FIGN: variants seen among roughly 807,000 people sequenced by gnomAD.
The protein encoded by FIGN is fidgetin, microtubule severing factor, also known as fidgetin.
Under a neutral mutation model 51.3 loss-of-function variants are expected in FIGN, and 11 were observed. That is an observed-to-expected ratio of 0.21 (90% CI 0.13 to 0.35). FIGN has a LOEUF of 0.35. FIGN is among the 10% of genes least tolerant of loss of function. The probability of loss-of-function intolerance (pLI) is 1.00; values close to 1 mark genes in which losing one functional copy is unlikely to be tolerated. For missense variants in FIGN, 857 were observed against 943.6 expected (o/e 0.91, Z 1.20); for synonymous variants, 407 against 363.2 (o/e 1.12, Z -1.37).
intron 2 of FIGN, among the ~76,000 whole-genome samples, chr2:163,627,223 T>C (rs753178487): frequency 1.3e-5 from 2 of 152,150 alleles, no homozygotes; most frequent in Non-Finnish European, 2.9e-5. Context: ...CCAAGAACCC[T>C]ATCTTGGGGT....
intron 2 of FIGN, among the ~76,000 whole-genome samples, chr2:163,661,915 A>G (rs1194089493): frequency 6.6e-6 from 1 of 152,204 alleles, no homozygotes; most frequent in Middle Eastern, 3.4e-3. Flanking sequence ...CCCAGTCTTG[A>G]GTATGTCTTT....
At chr2:163,661,368 C>A (rs182166686) in intron 2 of FIGN, among the ~76,000 whole-genome samples, 1 of 151,762 alleles carries the variant, frequency 6.6e-6, no homozygotes, top group East Asian at 2.0e-4. Flanking sequence ...GCCTCCCCAG[C>A]AGCTGGAACT....
intron 2 of FIGN, among the ~76,000 whole-genome samples, chr2:163,708,054 C>A (rs1012522327): frequency 6.6e-6 from 1 of 152,070 alleles, no homozygotes; most frequent in African/African-American, 2.4e-5. Context: ...ATAATTTCAT[C>A]ATTGGGAATT....
chr2:163,735,171 G>T, intron 1 of FIGN, 99 bp from the exon 2 acceptor site: 3 of 504,950 alleles, frequency 5.9e-6, no homozygotes, highest in Non-Finnish European at 1.1e-5. Flanking sequence ...GACCAGGAAT[G>T]CAAGTCCATG....
At chr2:163,715,904 G>A (rs1684660068) in intron 2 of FIGN, among the ~76,000 whole-genome samples, 1 of 152,144 alleles carries the variant, frequency 6.6e-6, no homozygotes, top group Non-Finnish European at 1.5e-5. Flanking sequence ...GTGGTATTCT[G>A]CATAAATGAC....
At chr2:163,623,204 T>C (rs957236258) in intron 2 of FIGN, among the ~76,000 whole-genome samples, 31 of 152,202 alleles carry the variant, frequency 2.0e-4, no homozygotes, top group African/African-American at 7.2e-4. Flanking sequence ...AAATGATCTA[T>C]GCTTTACTAG....
chr2:163,621,130 ACT>A (rs1682964699), intron 2 of FIGN, among the ~76,000 whole-genome samples: 4 of 152,148 alleles, frequency 2.6e-5, no homozygotes, highest in Admixed American at 1.3e-4. Flanking sequence ...AAGATTGAGC[ACT>A]GTCTCATATA....
At chr2:163,649,503 GCCCAGATGTTCCGTGT>G (rs1683436641) in intron 2 of FIGN, among the ~76,000 whole-genome samples, 1 of 152,116 alleles carries the variant, frequency 6.6e-6, no homozygotes, top group Non-Finnish European at 1.5e-5. Flanking sequence ...GGCAAGAGAG[GCCCAGATGTTCCGTGT>G]CCCAGCTGAG....
At position 163,676,484 on chromosome 2, in the gene FIGN, A is replaced by ATATATATATATATAT. The variant is rs1491432139; in HGVS notation, c.25+58418_25+58419insATATATATATATATA. 9.0e-5 allele frequency among the ~76,000 whole-genome samples: 5 copies of ATATATATATATATAT among 55,728 alleles called. 2 individuals carry two copies. Among genetic ancestry groups the ATATATATATATATAT allele is most frequent in the Admixed American group, 2.4e-4 (1 of 4,164 alleles). 36.6% of individuals were successfully genotyped at this position (55,728 alleles called of 152,430 possible). ...ATATATATATATATATATATATATA[A>ATATATATATATATAT]CTAGAGTCTGTGCACCCGAATCTGA... is the stretch of plus-strand genomic sequence containing the variant. On this transcript the variant is annotated intron_variant, in intron 2 of 2. Coordinates refer to ENST00000333129, the MANE Select transcript of FIGN (RefSeq NM_018086.4).
At chr2:163,688,461 T>C (rs548587133) in intron 2 of FIGN, among the ~76,000 whole-genome samples, 1 of 152,302 alleles carries the variant, frequency 6.6e-6, no homozygotes, top group South Asian at 2.1e-4. Flanking sequence ...ATCCTTAATA[T>C]TGGCACTAGA....
intron 2 of FIGN, among the ~76,000 whole-genome samples, chr2:163,720,189 T>C (rs1039308158): frequency 6.6e-6 from 1 of 152,204 alleles, no homozygotes; most frequent in Non-Finnish European, 1.5e-5. Context: ...CCTTACTGTT[T>C]CTATTAAAAA....
At chr2:163,678,432 G>A (rs938431887) in intron 2 of FIGN, among the ~76,000 whole-genome samples, 15 of 152,014 alleles carry the variant, frequency 9.9e-5, no homozygotes, top group African/African-American at 3.6e-4. Flanking sequence ...TGTTGGCCAG[G>A]CTGATCTCAA....
Position 163,656,584 on chromosome 2 carries a change from A to G in FIGN, c.26-44778T>C, listed in dbSNP as rs368289727. Among the ~76,000 whole-genome samples the G allele has an allele frequency of 2.8e-4, 43 of 152,176 alleles. No homozygotes were observed. The East Asian group carries it at 3.9e-3, about 14-fold the overall frequency. On this transcript the variant is annotated intron_variant, in intron 2 of 2. Transcript: ENST00000333129. The stretch of plus-strand genomic sequence containing the variant: ...AGATTAGATTGCCTCCACCTCCCCA[A>G]TCAGAAAAACTGGGACACTAGATGT...
chr2:163,674,795 T>C (rs10497239), intron 2 of FIGN, among the ~76,000 whole-genome samples: 2 of 151,960 alleles, frequency 1.3e-5, no homozygotes, highest in African/African-American at 2.4e-5. Context: ...ATCACATGTA[T>C]GGTTGCTCTT....
At chr2:163,668,357 C>G (rs980214857) in intron 2 of FIGN, among the ~76,000 whole-genome samples, 1 of 152,152 alleles carries the variant, frequency 6.6e-6, no homozygotes, top group South Asian at 2.1e-4. Context: ...AACCAGGAGA[C>G]TGTGATCACC....
rs1691263567 is a variant in FIGN at position 163,611,631 on chromosome 2, T to C, written c.201A>G (p.Leu67=). The part of the protein sequence containing the change: ...DDISALTASN[L]LKKYAEKYSG... The stretch of plus-strand genomic sequence containing the variant: ...AATACTTCTCTGCATATTTTTTTAG[T>C]AGGTTGGATGCAGTCAGAGCAGATA... The change falls in exon 3 of 3, where the codon CTA becomes CTG. Residue 67 remains leucine, a synonymous_variant. Transcript: ENST00000333129. 3.1e-6 allele frequency: 5 copies of C among 1,614,210 alleles called. No homozygotes were observed. Among genetic ancestry groups the C allele is most frequent in the African/African-American group, 1.3e-5 (1 of 75,054 alleles).
chr2:163,681,029 C>A (rs911230501), intron 2 of FIGN, among the ~76,000 whole-genome samples: 11 of 152,132 alleles, frequency 7.2e-5, no homozygotes, highest in African/African-American at 2.7e-4. Flanking sequence ...GCTGTTATTA[C>A]GATCACTTCA....
rs1663665663 is a variant in FIGN, at chr2:163,609,655, T to C, written c.2177A>G (p.Tyr726Cys). Residue 726 changes from tyrosine (Y) to cysteine (C), a missense_variant, in exon 3 of 3, where the codon TAT becomes TGT. By Grantham distance (194) the Tyr-to-Cys change is radical. Coordinates refer to ENST00000333129, the MANE Select transcript of FIGN (RefSeq NM_018086.4). ...GCAGAAAGCATTTTCAAAGTCTTGA[T>C]ATGTAACGGGCCTCAACTGGCTGGG... The part of the protein sequence containing the change: ...IMPSQLRPVT[Y>C]QDFENAFCKI... 6.2e-7 allele frequency: 1 copy of C among 1,614,016 alleles called. No individual in the cohort carries two copies. Among genetic ancestry groups the C allele is most frequent in the Non-Finnish European group, 8.5e-7 (1 of 1,180,022 alleles).
rs1691105188 is a variant in FIGN at position 163,606,087 on chromosome 2, G to T, written c.*3465C>A. The T allele has an allele frequency of 6.6e-6, 1 of 152,006 alleles. No homozygotes were observed. The highest frequency in any genetic ancestry group is 6.6e-5 in the Admixed American group (1 of 15,226). The allele number at this position is 152,006 out of a possible 1,614,324, so 9.4% of individuals were successfully genotyped here. On this transcript the variant is annotated 3_prime_UTR_variant, in exon 3 of 3. Coordinates refer to ENST00000333129, the MANE Select transcript of FIGN (RefSeq NM_018086.4). The stretch of plus-strand genomic sequence containing the variant: ...TCCTTGATAGGTTTCAAATGCACAA[G>T]AAAACATTATACCCGTCTATCTGCA...
Sources: allele counts gnomAD v4.1 joint callset (sites outside exome capture counted in the v4.1 genomes callset), GRCh38; gene constraint gnomAD v4.1.1; transcripts MANE v1.5; gene names NCBI Gene and HGNC (gene_info 2026-07-23, HGNC 2026-07-21).